Variants in FBXW11 observed in about 807,000 individuals in gnomAD.
FBXW11 encodes F-box/WD repeat-containing protein 11.
A neutral mutation model predicts 77.6 loss-of-function variants in FBXW11; 19 were observed. The observed-to-expected ratio is 0.24, with a 90% confidence interval of 0.17 to 0.36. FBXW11 has a LOEUF of 0.36. FBXW11 is among the 10% of genes least tolerant of loss of function. FBXW11 has a pLI of 1.00. For missense variants in FBXW11, 334 were observed against 704.2 expected, an observed-to-expected ratio of 0.47 and a Z score of 5.95; for synonymous variants, 235 against 249.4, an observed-to-expected ratio of 0.94 and a Z score of 0.54.
intron 10 of FBXW11, among the ~76,000 whole-genome samples, chr5:171,871,643 G>C (rs1284002574): frequency 1.3e-5 from 2 of 152,134 alleles, no homozygotes; most frequent in African/African-American, 4.8e-5. Context: ...ATTTTCTACA[G>C]TATTTGTAGA....
At chr5:171,920,589 C>A (rs1274214515) in intron 2 of FBXW11, among the ~76,000 whole-genome samples, 2 of 151,840 alleles carry the variant, frequency 1.3e-5, no homozygotes, top group Admixed American at 1.3e-4. Context: ...AGCCAAGCCT[C>A]GTAACTATTC....
At chr5:171,905,598 CCT>C (rs1760447972) in intron 4 of FBXW11, among the ~76,000 whole-genome samples, 1 of 102,200 alleles carries the variant, frequency 9.8e-6, no homozygotes, top group Non-Finnish European at 2.5e-5. Flanking sequence ...AACCCCCCCC[CCT>C]TTATTTTCTT....
chr5:171,916,115 G>A (rs1158797222), intron 2 of FBXW11, among the ~76,000 whole-genome samples: 4 of 151,828 alleles, frequency 2.6e-5, no homozygotes, highest in Non-Finnish European at 5.9e-5. Flanking sequence ...TGGGGGGATA[G>A]CATTAGGAGA....
At chr5:171,999,220 G>A (rs1372891496) in intron 1 of FBXW11, among the ~76,000 whole-genome samples, 3 of 152,152 alleles carry the variant, frequency 2.0e-5, no homozygotes, top group African/African-American at 4.8e-5. Context: ...GGCTAGTAGC[G>A]AACTGCTAAA....
chr5:171,901,986 C>A (rs563632748), intron 4 of FBXW11, among the ~76,000 whole-genome samples: 1 of 152,284 alleles, frequency 6.6e-6, no homozygotes, highest in South Asian at 2.1e-4. Context: ...AGGACAGCAC[C>A]CATGACACTA....
chr5:171,978,666 T>C (rs1010347785), intron 1 of FBXW11, among the ~76,000 whole-genome samples: 2 of 152,062 alleles, frequency 1.3e-5, no homozygotes, highest in Non-Finnish European at 2.9e-5. Context: ...GGCAAACACT[T>C]CCACAGCTGG....
chr5:171,868,431 C>T (rs147903941), intron 13 of FBXW11, among the ~76,000 whole-genome samples, 179 bp downstream of exon 13: 53 of 152,264 alleles, frequency 3.5e-4, no homozygotes, highest in African/African-American at 1.3e-3. Context: ...AGGATTCCAA[C>T]TCAAGCCTTG....
rs149156378 is a variant in FBXW11 at position 171,929,574 on chromosome 5, G to A, written c.148-15169C>T. 9.5e-3 allele frequency among the ~76,000 whole-genome samples: 1,447 copies of A among 152,248 alleles called. 26 individuals carry two copies. The highest frequency in any genetic ancestry group is 0.033 in the African/African-American group (1,359 of 41,524). On this transcript the variant is annotated intron_variant, in intron 2 of 13. Coordinates refer to ENST00000517395, the MANE Select transcript of FBXW11 (RefSeq NM_001378974.1). The stretch of plus-strand genomic sequence containing the variant: ...ACAAAATAAAAGTGATGGGATGGCC[G>A]GGCGTGGTGGCTCAGGCCTGTAATC...
intron 2 of FBXW11, among the ~76,000 whole-genome samples, chr5:171,950,341 ATCAC>A (rs1311526176): frequency 6.6e-6 from 1 of 152,056 alleles, no homozygotes; most frequent in African/African-American, 2.4e-5. Context: ...TTTAAGATAA[ATCAC>A]TGAGCTGTAC....
At chr5:171,949,291 A>G (rs190635439) in intron 2 of FBXW11, among the ~76,000 whole-genome samples, 1 of 152,356 alleles carries the variant, frequency 6.6e-6, no homozygotes, top group African/African-American at 2.4e-5. Context: ...GAAGTGAAAC[A>G]TGCGCATATG....
intron 2 of FBXW11, among the ~76,000 whole-genome samples, chr5:171,920,657 C>G (rs1393714764): frequency 6.6e-6 from 1 of 152,036 alleles, no homozygotes; most frequent in Non-Finnish European, 1.5e-5. Flanking sequence ...TAAGATCATG[C>G]CAATGCACTC....
chr5:171,951,168 T>A (rs941493407), intron 2 of FBXW11, among the ~76,000 whole-genome samples: 1 of 149,934 alleles, frequency 6.7e-6, no homozygotes, highest in South Asian at 2.1e-4. Context: ...TGCAATGAAA[T>A]CACTGAAGTT....
At chr5:171,905,037 C>A (rs1044413804) in intron 4 of FBXW11, among the ~76,000 whole-genome samples, 1 of 152,312 alleles carries the variant, frequency 6.6e-6, no homozygotes, top group Non-Finnish European at 1.5e-5. Context: ...ATACTTATTT[C>A]TTCCTCTTTC....
intron 13 of FBXW11, chr5:171,868,267 G>C (rs1263333296): frequency 6.5e-6 from 1 of 154,474 alleles, no homozygotes; most frequent in Non-Finnish European, 1.4e-5. Flanking sequence ...GGACAGGAAA[G>C]AAAGAGAAAA....
chr5:171,930,762 T>TAAAAAAAAAAAAAAAAAAAAATA (rs59700625), intron 2 of FBXW11, among the ~76,000 whole-genome samples: 3 of 126,510 alleles, frequency 2.4e-5, no homozygotes, highest in East Asian at 2.2e-4. Context: ...AATAAAAAAA[T>TAAAAAAAAAAAAAAAAAAAAATA]AAAAAAAAAA....
At chr5:171,903,186 T>A (rs1014745630) in intron 4 of FBXW11, among the ~76,000 whole-genome samples, 22 of 152,102 alleles carry the variant, frequency 1.4e-4, no homozygotes, top group Admixed American at 1.4e-3. Context: ...CACCTCAAAC[T>A]CCTGGGTTCA....
chr5:171,955,579 C>T (rs921918653), intron 2 of FBXW11, among the ~76,000 whole-genome samples: 1 of 152,194 alleles, frequency 6.6e-6, no homozygotes, highest in African/African-American at 2.4e-5. Flanking sequence ...TAAATGAGTA[C>T]AGAGGAAGGA....
At chr5:172,004,821 G>T (rs1766630644) in intron 1 of FBXW11, among the ~76,000 whole-genome samples, 2 of 151,172 alleles carry the variant, frequency 1.3e-5, no homozygotes, top group South Asian at 4.2e-4. Flanking sequence ...TGCTGAAAAG[G>T]AAAAATCACT....
intron 1 of FBXW11, among the ~76,000 whole-genome samples, chr5:171,995,298 T>C (rs1765970069): frequency 6.6e-6 from 1 of 152,198 alleles, no homozygotes; most frequent in Admixed American, 6.5e-5. Flanking sequence ...CTGGACCAAA[T>C]GATACTTCCC....
Sources: allele counts gnomAD v4.1 joint callset (sites outside exome capture counted in the v4.1 genomes callset), GRCh38; gene constraint gnomAD v4.1.1; transcripts MANE v1.5; gene names NCBI Gene and HGNC (gene_info 2026-07-23, HGNC 2026-07-21).